FSTL5: variants seen among roughly 807,000 people sequenced by gnomAD.
FSTL5 encodes follistatin-related protein 5.
Under a neutral mutation model 89.1 loss-of-function variants are expected in FSTL5, and 62 were observed. The observed-to-expected ratio is 0.70, with a 90% confidence interval of 0.57 to 0.86. The LOEUF (loss-of-function observed/expected upper bound fraction) is 0.86, where lower values mean the gene tolerates loss of function less well. Among genes scored for constraint, FSTL5 ranks in the 40% least tolerant of loss-of-function variants. FSTL5 has a pLI of 0.00. For synonymous variants in FSTL5, 383 were observed against 346.2 expected, an observed-to-expected ratio of 1.11 and a Z score of -1.18; for missense variants, 1,057 against 1,001.6, an observed-to-expected ratio of 1.06 and a Z score of -0.75.
chr4:161,480,208 C>T (rs1729451544), intron 13 of FSTL5, among the ~76,000 whole-genome samples: 1 of 152,182 alleles, frequency 6.6e-6, no homozygotes, highest in Non-Finnish European at 1.5e-5. Context: ...ACTATAAATG[C>T]TTTACATGCA....
intron 12 of FSTL5, among the ~76,000 whole-genome samples, chr4:161,482,373 A>T (rs1729542820): frequency 6.6e-6 from 1 of 150,932 alleles, no homozygotes; most frequent in Admixed American, 6.7e-5. Context: ...TGTAATGATA[A>T]ACAATTATTC....
chr4:161,417,370 A>G (rs1731826163), intron 15 of FSTL5, among the ~76,000 whole-genome samples: 1 of 152,248 alleles, frequency 6.6e-6, no homozygotes. Context: ...CCATTCATAA[A>G]ATGATTTGTA....
intron 1 of FSTL5, among the ~76,000 whole-genome samples, chr4:162,122,837 T>C (rs1213492792): frequency 6.6e-6 from 1 of 152,154 alleles, no homozygotes; most frequent in Non-Finnish European, 1.5e-5. Flanking sequence ...TTGCGTAGTG[T>C]AATGTGGAAA....
At chr4:161,790,242 T>C (rs1729412225) in intron 4 of FSTL5, among the ~76,000 whole-genome samples, 1 of 152,240 alleles carries the variant, frequency 6.6e-6, no homozygotes, top group South Asian at 2.1e-4. Context: ...TGCCATGCAC[T>C]TCTAACATGG....
chr4:161,691,357 A>G (rs1349214970), intron 6 of FSTL5, among the ~76,000 whole-genome samples: 2 of 152,058 alleles, frequency 1.3e-5, no homozygotes, highest in Non-Finnish European at 2.9e-5. Flanking sequence ...TAGATATTTC[A>G]GTTCATTCTA....
chr4:161,835,310 G>T (rs1366091503), intron 4 of FSTL5, among the ~76,000 whole-genome samples: 3 of 152,132 alleles, frequency 2.0e-5, no homozygotes, highest in Non-Finnish European at 4.4e-5. Context: ...ATTCAAGATG[G>T]ATTAAAGACT....
chr4:162,046,902 T>C (rs1738202796), intron 2 of FSTL5, among the ~76,000 whole-genome samples: 1 of 152,032 alleles, frequency 6.6e-6, no homozygotes, highest in South Asian at 2.1e-4. Context: ...TAAGTAAGAG[T>C]TGTCATAGGA....
chr4:161,708,562 C>A (rs570212528), intron 6 of FSTL5, among the ~76,000 whole-genome samples: 1 of 151,870 alleles, frequency 6.6e-6, no homozygotes, highest in Non-Finnish European at 1.5e-5. Context: ...CATCATTTAG[C>A]GCCTTCAGTC....
At chr4:161,520,700 A>C (rs1341415023) in intron 10 of FSTL5, among the ~76,000 whole-genome samples, 3 of 152,156 alleles carry the variant, frequency 2.0e-5, no homozygotes, top group Non-Finnish European at 4.4e-5. Context: ...AGTTCTTGAA[A>C]AGGTTTGTGA....
chr4:162,057,530 T>G (rs879320419), intron 2 of FSTL5, among the ~76,000 whole-genome samples: 9 of 152,242 alleles, frequency 5.9e-5, no homozygotes, highest in Non-Finnish European at 1.2e-4. Context: ...TTACAATTGC[T>G]TTCACTACTT....
chr4:162,060,577 G>C (rs1738689692), intron 2 of FSTL5, among the ~76,000 whole-genome samples: 1 of 151,462 alleles, frequency 6.6e-6, no homozygotes, highest in African/African-American at 2.4e-5. Flanking sequence ...TCCTGATACT[G>C]GTTACTTTTG....
chr4:162,123,270 G>A (rs1275314632), intron 1 of FSTL5, among the ~76,000 whole-genome samples: 5 of 152,076 alleles, frequency 3.3e-5, no homozygotes, highest in African/African-American at 1.2e-4. Flanking sequence ...AATGCCACGG[G>A]GAAAACTTGC....
chr4:161,798,558 T>C (rs1307843811), intron 4 of FSTL5, among the ~76,000 whole-genome samples: 2 of 151,554 alleles, frequency 1.3e-5, no homozygotes, highest in Non-Finnish European at 3.0e-5. Context: ...TCTACATCTG[T>C]GGTTCTCACA....
At position 161,633,243 on chromosome 4, in the gene FSTL5, CCCA is replaced by C. The variant is rs892508812; in HGVS notation, c.894+23082_894+23084del. On this transcript the variant is annotated intron_variant, in intron 7 of 15. Coordinates refer to ENST00000306100, the MANE Select transcript of FSTL5 (RefSeq NM_020116.5). ...TATTACTAAATTATACAGCTTCCCC[CCCA>C]CTTTTGTTTTTGTTTTTGTTTTCTG... Among the ~76,000 whole-genome samples the C allele has an allele frequency of 6.7e-5, 10 of 150,162 alleles. 1 individual carries two copies. Among genetic ancestry groups the C allele is most frequent in the Admixed American group, 6.0e-4 (9 of 15,004 alleles).
intron 10 of FSTL5, among the ~76,000 whole-genome samples, chr4:161,525,205 G>C (rs767654090): frequency 2.0e-5 from 3 of 152,026 alleles, no homozygotes; most frequent in Non-Finnish European, 4.4e-5. Flanking sequence ...TTTCTGAAAG[G>C]ACTTCAAGAC....
chr4:161,692,329 A>T (rs1323352389), intron 6 of FSTL5, among the ~76,000 whole-genome samples: 3 of 119,646 alleles, frequency 2.5e-5, no homozygotes, highest in African/African-American at 9.3e-5. Flanking sequence ...ACGTCTACTG[A>T]GATATGGAGA....
chr4:162,158,006 C>T (rs1208204763), intron 1 of FSTL5, among the ~76,000 whole-genome samples: 3 of 152,074 alleles, frequency 2.0e-5, no homozygotes, highest in Non-Finnish European at 4.4e-5. Context: ...AGATTACCTC[C>T]TTAGTGCTGT....
chr4:161,710,584 G>C (rs1258105708), intron 6 of FSTL5, among the ~76,000 whole-genome samples: 1 of 152,174 alleles, frequency 6.6e-6, no homozygotes, highest in Non-Finnish European at 1.5e-5. Flanking sequence ...GAACTAGGCA[G>C]TGTCAGCCAT....
intron 10 of FSTL5, among the ~76,000 whole-genome samples, chr4:161,510,710 T>C (rs1730623848): frequency 6.6e-6 from 1 of 151,704 alleles, no homozygotes; most frequent in Non-Finnish European, 1.5e-5. Context: ...GAATAGGAAG[T>C]TTATAAGTTA....
Sources: allele counts gnomAD v4.1 joint callset (sites outside exome capture counted in the v4.1 genomes callset), GRCh38; gene constraint gnomAD v4.1.1; transcripts MANE v1.5; gene names NCBI Gene and HGNC (gene_info 2026-07-23, HGNC 2026-07-21).